WWC2: variants seen among roughly 807,000 people sequenced by gnomAD.
The protein encoded by WWC2 is protein WWC2.
WWC2 carries 101 observed loss-of-function variants against 138.5 expected under a neutral mutation model. The ratio of observed to expected loss-of-function variants is 0.73; its 90% CI spans 0.62 to 0.86. The LOEUF is 0.86. WWC2 is among the 40% of genes least tolerant of loss of function. WWC2 has a pLI of 0.00. For missense variants in WWC2, 1,420 were observed against 1,419.4 expected, an observed-to-expected ratio of 1.00 and a Z score of -0.01; for synonymous variants, 558 against 538.4, an observed-to-expected ratio of 1.04 and a Z score of -0.50.
At chr4:183,244,798 C>G (rs975053893) in intron 5 of WWC2, among the ~76,000 whole-genome samples, 1 of 152,112 alleles carries the variant, frequency 6.6e-6, no homozygotes, top group African/African-American at 2.4e-5. Context: ...CATTTGCCCA[C>G]GTCTTTTACC....
chr4:183,271,738 T>C (rs1393555022), intron 16 of WWC2, among the ~76,000 whole-genome samples: 3 of 152,182 alleles, frequency 2.0e-5, no homozygotes, highest in Non-Finnish European at 1.5e-5. Context: ...GCGTGGTGGC[T>C]CAGGCCTGTA....
chr4:183,283,520 T>C (rs1169077954), intron 18 of WWC2, among the ~76,000 whole-genome samples: 1 of 152,220 alleles, frequency 6.6e-6, no homozygotes, highest in Non-Finnish European at 1.5e-5. Flanking sequence ...GAAAATAATA[T>C]TATGCCCTGA....
intron 1 of WWC2, among the ~76,000 whole-genome samples, chr4:183,181,691 TTAG>T (rs1214007146): frequency 6.6e-6 from 1 of 152,152 alleles, no homozygotes; most frequent in East Asian, 1.9e-4. Context: ...CAGTAGGCAG[TTAG>T]TAATTAAGTT....
At chr4:183,222,602 G>A (rs901465565) in intron 4 of WWC2, among the ~76,000 whole-genome samples, 8 of 152,174 alleles carry the variant, frequency 5.3e-5, no homozygotes, top group Admixed American at 3.9e-4. Flanking sequence ...TGGGGATGTA[G>A]GAGGGGGAAC....
At chr4:183,202,579 C>T (rs1311641087) in intron 2 of WWC2, among the ~76,000 whole-genome samples, 1 of 152,094 alleles carries the variant, frequency 6.6e-6, no homozygotes, top group Non-Finnish European at 1.5e-5. Context: ...GTGCAAATTC[C>T]ACTAAAGGAA....
chr4:183,151,165 A>G (rs1733626260), intron 1 of WWC2, among the ~76,000 whole-genome samples: 1 of 152,188 alleles, frequency 6.6e-6, no homozygotes, highest in African/African-American at 2.4e-5. Flanking sequence ...ACAGTGTAAA[A>G]GCATTCCTAT....
At chr4:183,315,067 G>C (rs927953836) in intron 22 of WWC2, among the ~76,000 whole-genome samples, 1 of 152,202 alleles carries the variant, frequency 6.6e-6, no homozygotes, top group African/African-American at 2.4e-5. Flanking sequence ...AGTTCTGTAG[G>C]GAAATAGACG....
intron 8 of WWC2, among the ~76,000 whole-genome samples, chr4:183,251,250 C>T (rs1205287672): frequency 6.6e-6 from 1 of 152,158 alleles, no homozygotes; most frequent in Non-Finnish European, 1.5e-5. Flanking sequence ...GTTTTGTGGC[C>T]CGGCAATGTG....
chr4:183,133,448 CTA>C (rs1483165873), intron 1 of WWC2, among the ~76,000 whole-genome samples: 1 of 151,842 alleles, frequency 6.6e-6, no homozygotes, highest in East Asian at 1.9e-4. Flanking sequence ...TGTTTTATAT[CTA>C]TGTTCTCAGG....
chr4:183,227,194 G>GA (rs931789386), intron 4 of WWC2, among the ~76,000 whole-genome samples: 18 of 151,708 alleles, frequency 1.2e-4, no homozygotes, highest in Non-Finnish European at 1.8e-4. Flanking sequence ...GATAAAGGAG[G>GA]AAAAAAAACA....
chr4:183,155,458 G>A (rs1244450098), intron 1 of WWC2, among the ~76,000 whole-genome samples: 1 of 152,104 alleles, frequency 6.6e-6, no homozygotes, highest in African/African-American at 2.4e-5. Flanking sequence ...CTTTTGAAGG[G>A]TTTTGCTAAA....
At position 183,203,330 on chromosome 4, in the gene WWC2, A is replaced by G. The variant is rs892974481; in HGVS notation, c.242-4623A>G. On this transcript the variant is annotated intron_variant, in intron 2 of 22. Coordinates refer to ENST00000403733, the MANE Select transcript of WWC2 (RefSeq NM_024949.6). ...TAGTTTTTCACAATGCGGGTACCTCAGCCCTTCTGAGGTACCCGCATTATC... is the reference window on the plus strand; with the variant it reads ...TAGTTTTTCACAATGCGGGTACCTCGGCCCTTCTGAGGTACCCGCATTATC... Among the ~76,000 whole-genome samples, 7 of 152,098 alleles carry G rather than the reference A, an allele frequency of 4.6e-5. No homozygotes were observed. In the South Asian group the frequency reaches 1.0e-3, roughly 23 times the overall value.
rs115895522 is a variant in WWC2, at chr4:183,307,899, G to A, written c.3385-4442G>A. On this transcript the variant is annotated intron_variant, in intron 21 of 22. Coordinates refer to ENST00000403733, the MANE Select transcript of WWC2 (RefSeq NM_024949.6). ...GAAAAAAAGGTATCCCGCTTGGGAA[G>A]GACGTCAGCATTGTCTTTGTTTGTC... Among the ~76,000 whole-genome samples the A allele has an allele frequency of 1.9e-3, 287 of 152,328 alleles. 1 individual carries two copies. The highest frequency in any genetic ancestry group is 6.5e-3 in the African/African-American group (271 of 41,578).
At chr4:183,243,398 G>T (rs983813001) in intron 5 of WWC2, among the ~76,000 whole-genome samples, 1 of 152,150 alleles carries the variant, frequency 6.6e-6, no homozygotes, top group Non-Finnish European at 1.5e-5. Context: ...ATGCCAAAAT[G>T]CTATATTTGG....
At chr4:183,100,456 A>G (rs976673310) in intron 1 of WWC2, among the ~76,000 whole-genome samples, 4 of 152,380 alleles carry the variant, frequency 2.6e-5, no homozygotes, top group Admixed American at 6.5e-5. Context: ...TATTGTAAGA[A>G]TAATAGGAGG....
chr4:183,311,349 G>A (rs1157450621), intron 21 of WWC2, among the ~76,000 whole-genome samples: 2 of 152,196 alleles, frequency 1.3e-5, no homozygotes, highest in Non-Finnish European at 2.9e-5. Context: ...ATAACAGCGT[G>A]TATGATTCTC....
rs182975453 is a variant in WWC2 at position 183,109,500 on chromosome 4, G to T, written c.131+9878G>T. 1.1e-3 allele frequency among the ~76,000 whole-genome samples: 161 copies of T among 152,262 alleles called. 1 individual carries two copies. The highest frequency in any genetic ancestry group is 3.7e-3 in the African/African-American group (154 of 41,550). On this transcript the variant is annotated intron_variant, in intron 1 of 22. Transcript: ENST00000403733. ...GAGGAGTTGCGAGGGATGGTTTCAGGCTGAAACTGTTGGATCTCAGATCAT... is the reference window on the plus strand; with the variant it reads ...GAGGAGTTGCGAGGGATGGTTTCAGTCTGAAACTGTTGGATCTCAGATCAT...
intron 1 of WWC2, among the ~76,000 whole-genome samples, chr4:183,103,097 C>T (rs1305514933): frequency 6.6e-6 from 1 of 151,852 alleles, no homozygotes; most frequent in Non-Finnish European, 1.5e-5. Flanking sequence ...TCACACCATG[C>T]AAAGTGACTT....
intron 1 of WWC2, among the ~76,000 whole-genome samples, chr4:183,145,944 C>A (rs953222750): frequency 2.0e-5 from 3 of 152,100 alleles, no homozygotes; most frequent in Admixed American, 6.5e-5. Context: ...TACTACAATT[C>A]CTTAAGTTTT....
Sources: allele counts gnomAD v4.1 joint callset (sites outside exome capture counted in the v4.1 genomes callset), GRCh38; gene constraint gnomAD v4.1.1; transcripts MANE v1.5; gene names NCBI Gene and HGNC (gene_info 2026-07-23, HGNC 2026-07-21).